SCHIP1: variants seen among roughly 807,000 people sequenced by gnomAD.
SCHIP1 encodes schwannomin-interacting protein 1.
A neutral mutation model predicts 29.7 loss-of-function variants in SCHIP1; 8 were observed. The observed-to-expected ratio is 0.27, with a 90% CI of 0.16 to 0.49. The LOEUF is 0.49. SCHIP1 is among the 20% of genes least tolerant of loss of function. The pLI, the probability that SCHIP1 is intolerant of heterozygous loss-of-function variation, is 0.99. For synonymous variants in SCHIP1, 76 were observed against 94.9 expected, an observed-to-expected ratio of 0.80 and a Z score of 1.16; for missense variants, 193 against 294.6, an observed-to-expected ratio of 0.66 and a Z score of 2.52.
the SCHIP1 span, among the ~76,000 whole-genome samples, chr3:159,326,465 G>T: frequency 6.6e-6 from 1 of 152,036 alleles, no homozygotes; most frequent in Non-Finnish European, 1.5e-5. Context: ...CAAATATTAT[G>T]TGATAGACTG....
At chr3:159,694,550 AAGAAAG>A in the SCHIP1 span, among the ~76,000 whole-genome samples, 14 of 43,578 alleles carry the variant, frequency 3.2e-4, no homozygotes, top group African/African-American at 9.5e-4. Context: ...GAAAGAAAGA[AAGAAAG>A]AAAGAAAGAA....
the SCHIP1 span, among the ~76,000 whole-genome samples, chr3:159,689,479 C>T: frequency 1.1e-4 from 17 of 152,152 alleles, no homozygotes; most frequent in South Asian, 4.1e-4. Flanking sequence ...AGTTGCTTAT[C>T]GGCTTAAGAA....
At chr3:159,700,634 A>G in the SCHIP1 span, among the ~76,000 whole-genome samples, 1 of 152,130 alleles carries the variant, frequency 6.6e-6, no homozygotes, top group African/African-American at 2.4e-5. Context: ...AGCCTGACCA[A>G]TATGGTGAAA....
the SCHIP1 span, among the ~76,000 whole-genome samples, chr3:159,767,817 G>A: frequency 6.6e-6 from 1 of 152,124 alleles, no homozygotes; most frequent in African/African-American, 2.4e-5. Flanking sequence ...CACTCCTGGT[G>A]TATTGTTTTC....
At chr3:159,278,040 C>A in the SCHIP1 span, among the ~76,000 whole-genome samples, 3 of 152,056 alleles carry the variant, frequency 2.0e-5, no homozygotes, top group African/African-American at 7.2e-5. Flanking sequence ...AAGGGGACTC[C>A]CTAATGGTGT....
the SCHIP1 span, among the ~76,000 whole-genome samples, chr3:159,553,085 T>C: frequency 6.6e-6 from 1 of 152,120 alleles, no homozygotes; most frequent in African/African-American, 2.4e-5. Context: ...TTAAGTTTGG[T>C]ATTGTCAAAC....
chr3:159,295,973 A>G, the SCHIP1 span, among the ~76,000 whole-genome samples: 1 of 152,204 alleles, frequency 6.6e-6, no homozygotes, highest in Non-Finnish European at 1.5e-5. Context: ...AGAAGAAACA[A>G]GAGTAGAAAC....
the SCHIP1 span, among the ~76,000 whole-genome samples, chr3:159,635,245 A>G: frequency 2.0e-5 from 3 of 152,168 alleles, no homozygotes; most frequent in Non-Finnish European, 2.9e-5. Context: ...GCATTAGCCA[A>G]GCAAGCAGAG....
intron 2 of SCHIP1, 52 bp downstream of exon 3, chr3:159,866,333 A>G (rs1450379508): frequency 2.7e-6 from 4 of 1,504,926 alleles, no homozygotes; most frequent in East Asian, 2.3e-5. Flanking sequence ...GGATTCTGTC[A>G]CTTGACTATT....
the SCHIP1 span, among the ~76,000 whole-genome samples, chr3:159,649,041 A>G: frequency 6.6e-6 from 1 of 152,214 alleles, no homozygotes; most frequent in Non-Finnish European, 1.5e-5. Context: ...CTATTCTGGT[A>G]AAGAACTCTG....
chr3:159,496,753 G>A, the SCHIP1 span, among the ~76,000 whole-genome samples: 5 of 152,172 alleles, frequency 3.3e-5, no homozygotes, highest in African/African-American at 9.7e-5. Flanking sequence ...TCCCATTACT[G>A]AGTATATACC....
chr3:159,626,296 A>G, the SCHIP1 span, among the ~76,000 whole-genome samples: 1 of 143,410 alleles, frequency 7.0e-6, no homozygotes, highest in Non-Finnish European at 1.5e-5. Flanking sequence ...AGATAGATAG[A>G]TAGATTTTTT....
At chr3:159,302,120 T>C in the SCHIP1 span, among the ~76,000 whole-genome samples, 25 of 152,228 alleles carry the variant, frequency 1.6e-4, no homozygotes, top group Non-Finnish European at 1.8e-4. Flanking sequence ...TTTTAAACAA[T>C]GCTGTTCCGG....
chr3:159,840,019 G>T, exon 1 of SCHIP1: 12 of 1,448,548 alleles, frequency 8.3e-6, no homozygotes, highest in Non-Finnish European at 1.1e-5. Context: ...GGCACAGGCA[G>T]TGCCACTGCG....
chr3:159,693,339 G>A, the SCHIP1 span, among the ~76,000 whole-genome samples: 4 of 151,976 alleles, frequency 2.6e-5, no homozygotes, highest in African/African-American at 7.3e-5. Context: ...TAAAATATAC[G>A]CACACATATA....
chr3:159,700,158 T>C, the SCHIP1 span, among the ~76,000 whole-genome samples: 1 of 152,232 alleles, frequency 6.6e-6, no homozygotes, highest in Non-Finnish European at 1.5e-5. Context: ...AAAGTCTTCT[T>C]GCTTAAAAGA....
chr3:159,713,233 GAAGAAAGAAAGAAAGAAAGA>G, the SCHIP1 span, among the ~76,000 whole-genome samples: 232 of 124,618 alleles, frequency 1.9e-3, 2 homozygotes, highest in African/African-American at 5.2e-3. Context: ...AGAAAGAAAG[GAAGAAAGAAAGAAAGAAAGA>G]AAGAAAGAAA....
chr3:159,408,690 C>G, the SCHIP1 span, among the ~76,000 whole-genome samples: 1 of 152,164 alleles, frequency 6.6e-6, no homozygotes, highest in South Asian at 2.1e-4. Flanking sequence ...GGCTTCACTG[C>G]TGACTTTTAC....
the SCHIP1 span, among the ~76,000 whole-genome samples, chr3:159,829,103 G>A: frequency 5.9e-5 from 9 of 152,122 alleles, no homozygotes; most frequent in East Asian, 3.8e-4. Context: ...TTACCTATCC[G>A]TCAGTTGCTG....
Sources: allele counts gnomAD v4.1 joint callset (sites outside exome capture counted in the v4.1 genomes callset), GRCh38; gene constraint gnomAD v4.1.1; transcripts MANE v1.5; gene names NCBI Gene and HGNC (gene_info 2026-07-23, HGNC 2026-07-21).